The following EYS variants were observed in gnomAD, a reference collection of about 807,000 sequenced individuals.
EYS encodes the protein protein eyes shut homolog.
EYS carries 250 observed loss-of-function variants against 282.1 expected under a neutral mutation model. The observed-to-expected ratio is 0.89, with a 90% CI of 0.80 to 0.98. EYS has a LOEUF of 0.98. Ranked by LOEUF, EYS falls within the 50% of genes least tolerant of loss-of-function variation. The pLI is 0.00. For synonymous variants in EYS, 1,355 were observed against 1,282.9 expected (o/e 1.06, Z -1.20); for missense variants, 4,016 against 3,709.0 (o/e 1.08, Z -2.15).
chr6:64,707,171 G>T (rs1771050058), intron 22 of EYS, among the ~76,000 whole-genome samples: 1 of 151,888 alleles, frequency 6.6e-6, no homozygotes, highest in Non-Finnish European at 1.5e-5. Flanking sequence ...GCCATGAAAA[G>T]GGAGGAAATA....
intron 42 of EYS, 32 bp from the exon 43 acceptor site, chr6:63,721,829 C>G (rs796337209): frequency 1.3e-6 from 2 of 1,515,640 alleles, no homozygotes; most frequent in South Asian, 2.6e-5. Context: ...GTTTGATTAG[C>G]AACAGTAAAA....
At chr6:64,569,278 C>T (rs780559694) in intron 26 of EYS, among the ~76,000 whole-genome samples, 3 of 151,664 alleles carry the variant, frequency 2.0e-5, no homozygotes, top group Admixed American at 6.6e-5. Context: ...ATTAGAATAA[C>T]CAGTTTAGAG....
intron 28 of EYS, among the ~76,000 whole-genome samples, chr6:64,393,140 T>C (rs1773217246): frequency 6.6e-6 from 1 of 152,074 alleles, no homozygotes; most frequent in Non-Finnish European, 1.5e-5. Context: ...CAATAATCAA[T>C]AGCTTACCAA....
chr6:65,030,201 C>A (rs1772553406), intron 13 of EYS, among the ~76,000 whole-genome samples: 1 of 152,054 alleles, frequency 6.6e-6, no homozygotes, highest in African/African-American at 2.4e-5. Context: ...TGGATGTGAC[C>A]TGAGCTTTCC....
At chr6:63,879,264 C>T (rs1314817124) in intron 35 of EYS, among the ~76,000 whole-genome samples, 2 of 152,088 alleles carry the variant, frequency 1.3e-5, no homozygotes, top group Admixed American at 1.3e-4. Context: ...TATCCATGGA[C>T]ATGCTAGTAA....
intron 33 of EYS, among the ~76,000 whole-genome samples, chr6:64,056,465 C>T (rs921065937): frequency 2.0e-5 from 3 of 152,178 alleles, no homozygotes; most frequent in African/African-American, 7.2e-5. Flanking sequence ...TACATTCCTA[C>T]ATTTCCTATT....
chr6:64,917,715 CTA>C (rs765946520), intron 15 of EYS, among the ~76,000 whole-genome samples: 139 of 152,148 alleles, frequency 9.1e-4, no homozygotes, highest in Admixed American at 3.7e-3. Flanking sequence ...AAAAAGATAA[CTA>C]TGTGAAGTAA....
chr6:64,213,517 T>C (rs1459603962), intron 31 of EYS, among the ~76,000 whole-genome samples: 1 of 152,192 alleles, frequency 6.6e-6, no homozygotes, highest in African/African-American at 2.4e-5. Context: ...GTTATATTTG[T>C]CAATTAATGT....
intron 35 of EYS, among the ~76,000 whole-genome samples, chr6:63,968,160 C>T (rs376293341): frequency 6.6e-6 from 1 of 152,206 alleles, no homozygotes; most frequent in African/African-American, 2.4e-5. Flanking sequence ...TTTATATGTG[C>T]TCTTTGGGGC....
rs533835624 is a variant in EYS at position 64,080,367 on chromosome 6, G to A, written c.6571+1489C>T. ...CTGCATAAATGTCTTCTTTTGAGAA[G>A]TGTCTGTTCATATCCTTCACCCACT... On this transcript the variant is annotated intron_variant, in intron 32 of 42. Transcript: ENST00000503581. 1.7e-4 allele frequency among the ~76,000 whole-genome samples: 26 copies of A among 152,280 alleles called. No homozygotes were observed. The East Asian group carries it at 3.9e-3, about 23-fold the overall frequency.
chr6:64,158,273 G>C (rs1329459071), intron 31 of EYS, among the ~76,000 whole-genome samples: 5 of 152,246 alleles, frequency 3.3e-5, no homozygotes, highest in Admixed American at 2.0e-4. Flanking sequence ...AAATTGATTA[G>C]TTGTAGGCAT....
chr6:65,287,141 A>G (rs1428978911), intron 12 of EYS, among the ~76,000 whole-genome samples: 1 of 151,466 alleles, frequency 6.6e-6, no homozygotes, highest in Non-Finnish European at 1.5e-5. Flanking sequence ...GAAAATTGAA[A>G]AAAAATAAGA....
Position 64,197,740 on chromosome 6 carries a change from T to G in EYS, c.6424+32852A>C, listed in dbSNP as rs113238237. Among the ~76,000 whole-genome samples the G allele has an allele frequency of 6.0e-3, 901 of 150,724 alleles. 11 individuals are homozygous for G. Among genetic ancestry groups the G allele is most frequent in the African/African-American group, 0.02 (842 of 41,198 alleles). ...CTCTTTTTAATCTATTTAGTGGTTT[T>G]TACTTTAAATTTTATCTTGTTTAGG... is the stretch of plus-strand genomic sequence containing the variant. On this transcript the variant is annotated intron_variant, in intron 31 of 42. Transcript: ENST00000503581.
At chr6:64,055,762 C>G (rs1032860067) in intron 33 of EYS, among the ~76,000 whole-genome samples, 1 of 152,064 alleles carries the variant, frequency 6.6e-6, no homozygotes, top group Non-Finnish European at 1.5e-5. Context: ...GGTCACTCCT[C>G]GTAAGAAACA....
At chr6:65,366,383 G>T (rs561286420) in intron 8 of EYS, among the ~76,000 whole-genome samples, 2 of 149,176 alleles carry the variant, frequency 1.3e-5, no homozygotes, top group East Asian at 4.0e-4. Flanking sequence ...GCTGCTTTTG[G>T]TTTTTCCTGA....
intron 15 of EYS, among the ~76,000 whole-genome samples, chr6:64,916,427 G>A (rs186770573): frequency 2.6e-4 from 39 of 152,308 alleles, no homozygotes; most frequent in Non-Finnish European, 4.1e-4. Context: ...GTTCTATGGA[G>A]ATAACATGGA....
intron 22 of EYS, among the ~76,000 whole-genome samples, chr6:64,691,324 G>A (rs544721885): frequency 1.2e-4 from 19 of 152,028 alleles, no homozygotes; most frequent in Non-Finnish European, 2.2e-4. Flanking sequence ...TGGATAAAAA[G>A]AAATAGAAAT....
chr6:64,769,613 GA>G (rs1773464521), intron 22 of EYS, among the ~76,000 whole-genome samples: 1 of 151,944 alleles, frequency 6.6e-6, no homozygotes, highest in Admixed American at 6.6e-5. Context: ...ATAACCAGGT[GA>G]TTTAAACATC....
chr6:65,250,966 A>G, intron 12 of EYS, among the ~76,000 whole-genome samples: 1 of 149,512 alleles, frequency 6.7e-6, no homozygotes, highest in South Asian at 2.2e-4. Flanking sequence ...TTAAAAGGAG[A>G]TTGGCTAATA....
Sources: allele counts gnomAD v4.1 joint callset (sites outside exome capture counted in the v4.1 genomes callset), GRCh38; gene constraint gnomAD v4.1.1; transcripts MANE v1.5; gene names NCBI Gene and HGNC (gene_info 2026-07-23, HGNC 2026-07-21).